TMCC2: variants seen among roughly 807,000 people sequenced by gnomAD.
TMCC2 encodes the protein transmembrane and coiled-coil domains protein 2.
Under a neutral mutation model 49.4 loss-of-function variants are expected in TMCC2, and 16 were observed. The observed-to-expected ratio is 0.32, with a 90% CI of 0.22 to 0.49. The LOEUF is 0.49. TMCC2 is among the 20% of genes least tolerant of loss of function. The pLI is 0.99. For missense variants in TMCC2, 762 were observed against 989.8 expected, an observed-to-expected ratio of 0.77 and a Z score of 3.09; for synonymous variants, 397 against 434.1, an observed-to-expected ratio of 0.91 and a Z score of 1.06.
intron 2 of TMCC2, among the ~76,000 whole-genome samples, chr1:205,261,808 C>A (rs1205738925): frequency 6.6e-6 from 1 of 152,192 alleles, no homozygotes. Context: ...TAGCTCTCAG[C>A]TGGTAAGTGA....
intron 1 of TMCC2, among the ~76,000 whole-genome samples, chr1:205,231,813 G>GT (rs1314068388): frequency 6.6e-6 from 1 of 152,056 alleles, no homozygotes; most frequent in East Asian, 1.9e-4. Flanking sequence ...GTTTGCTTTT[G>GT]TTTTCATTTT....
intron 2 of TMCC2, among the ~76,000 whole-genome samples, chr1:205,254,991 C>G (rs564965696): frequency 6.6e-6 from 1 of 152,106 alleles, no homozygotes; most frequent in African/African-American, 2.4e-5. Context: ...GCAGGTGGAT[C>G]GTTTGTGCCC....
intron 2 of TMCC2, among the ~76,000 whole-genome samples, chr1:205,247,804 G>A (rs377246781): frequency 3.9e-5 from 6 of 152,104 alleles, no homozygotes; most frequent in East Asian, 3.8e-4. Flanking sequence ...GCTGGCTTTC[G>A]GACCAGAGCA....
At position 205,269,063 on chromosome 1, in the gene TMCC2, C is replaced by T. The variant is rs778454759; in HGVS notation, c.861C>T (p.Ala287=). ...CACCGGACCCCCAGCGGACCAAGGC[C>T]GCCATTGACCACCTGCACCAGAAGA... ...DGAPDPQRTK[A]AIDHLHQKIL... The change falls in exon 3 of 5, where the codon GCC becomes GCT. Residue 287 remains alanine (A), a synonymous_variant. Transcript: ENST00000358024. 107 of 1,613,638 alleles carry T rather than the reference C, an allele frequency of 6.6e-5. 1 individual carries two copies. The highest frequency in any genetic ancestry group is 1.3e-4 in the African/African-American group (10 of 74,922).
At chr1:205,249,455 A>G (rs917839991) in intron 2 of TMCC2, among the ~76,000 whole-genome samples, 3 of 152,186 alleles carry the variant, frequency 2.0e-5, no homozygotes, top group African/African-American at 4.8e-5. Context: ...CTGCTGGTTC[A>G]GAGGTGGGTG....
In TMCC2 at chr1:205,271,103, C is replaced by T; in HGVS notation, c.1683-17C>T. On this transcript the variant is annotated splice_polypyrimidine_tract_variant and intron_variant, in intron 3 of 4. Coordinates refer to ENST00000358024, the MANE Select transcript of TMCC2 (RefSeq NM_014858.4). ...TCGGGGAGCCAGGACTGGTGTCACT[C>T]TCTCTCCCTCCGCCAGGTACGAGCG... The T allele has an allele frequency of 6.2e-7, 1 of 1,611,598 alleles. No homozygotes were observed. Among genetic ancestry groups the T allele is most frequent in the South Asian group, 1.1e-5 (1 of 90,956 alleles).
At position 205,241,738 on chromosome 1, in the gene TMCC2, C is replaced by T. The variant is rs1660274332; in HGVS notation, c.441C>T (p.Ala147=). ...ACGACCTGCCCGCCCGGCCCACCGC[C>T]TTCAACCGCGTGCTGCAGCAGATCC... ...SLHDLPARPT[A]FNRVLQQIRS... Residue 147 remains alanine, a synonymous_variant, in exon 2 of 5, where the codon GCC becomes GCT. Coordinates refer to ENST00000358024, the MANE Select transcript of TMCC2 (RefSeq NM_014858.4). This position sits in a 1 kb window ranked among gnomAD's most constrained non-coding sequence, Gnocchi z 7.3. 1.9e-6 allele frequency: 3 copies of T among 1,613,064 alleles called. No homozygotes were observed. Among genetic ancestry groups the T allele is most frequent in the African/African-American group, 2.7e-5 (2 of 74,950 alleles).
At chr1:205,267,534 T>C (rs1661391561) in intron 2 of TMCC2, among the ~76,000 whole-genome samples, 1 of 152,024 alleles carries the variant, frequency 6.6e-6, no homozygotes, top group African/African-American at 2.4e-5. Context: ...TCCTGCTGCT[T>C]CCGTTGTTGT....
chr1:205,242,635 A>G (rs1178961628), intron 2 of TMCC2, among the ~76,000 whole-genome samples: 2 of 152,184 alleles, frequency 1.3e-5, no homozygotes, highest in Non-Finnish European at 2.9e-5. Context: ...ACAAGTATCT[A>G]TTGAATTCTT....
chr1:205,243,422 T>G, intron 2 of TMCC2, among the ~76,000 whole-genome samples: 1 of 151,862 alleles, frequency 6.6e-6, no homozygotes, highest in African/African-American at 2.4e-5. Flanking sequence ...ATCAGTAGAT[T>G]GGGAAGGGAG....
chr1:205,246,864 G>T (rs1660473213), intron 2 of TMCC2, among the ~76,000 whole-genome samples: 1 of 152,074 alleles, frequency 6.6e-6, no homozygotes, highest in Non-Finnish European at 1.5e-5. Context: ...TGGGCAGTGG[G>T]CACTGTCGGA....
rs1359994418 is a variant in TMCC2 at position 205,241,099 on chromosome 1, T to C, written c.208-406T>C. ...GGTGGCCTGAAAGAACTAGTACAGC[T>C]TGAAGGGTCGTCTAACTTGGAAGGA... On this transcript the variant is annotated intron_variant, in intron 1 of 4. Transcript: ENST00000358024. This position sits in a 1 kb window ranked among gnomAD's most constrained non-coding sequence, Gnocchi z 7.3. Among the ~76,000 whole-genome samples the C allele has an allele frequency of 6.6e-6, 1 of 152,100 alleles. No individual in the cohort carries two copies. Among genetic ancestry groups the C allele is most frequent in the Non-Finnish European group, 1.5e-5 (1 of 68,020 alleles).
At chr1:205,248,578 ATCCATGTGT>A (rs1660545633) in intron 2 of TMCC2, among the ~76,000 whole-genome samples, 1 of 152,176 alleles carries the variant, frequency 6.6e-6, no homozygotes, top group African/African-American at 2.4e-5. Context: ...CAGGTTTTCC[ATCCATGTGT>A]TGCCTTAACC....
chr1:205,250,811 G>T (rs1311938859), intron 2 of TMCC2, among the ~76,000 whole-genome samples: 5 of 152,128 alleles, frequency 3.3e-5, no homozygotes, highest in Non-Finnish European at 7.4e-5. Flanking sequence ...GGTGCACTCA[G>T]GTTTCAGGTG....
rs764297744 is a variant in TMCC2, at chr1:205,272,142, C to T, written c.*18C>T. 3.1e-6 allele frequency: 5 copies of T among 1,604,536 alleles called. No homozygotes were observed. Among genetic ancestry groups the T allele is most frequent in the Admixed American group, 1.7e-5 (1 of 59,826 alleles). On this transcript the variant is annotated 3_prime_UTR_variant, in exon 5 of 5. Coordinates refer to ENST00000358024, the MANE Select transcript of TMCC2 (RefSeq NM_014858.4). ...CCAGCTGAGTGGCCAGCCACACCAA[C>T]CCTGTGCTCTCTGGCCCCCAGCTGG...
At chr1:205,237,785 T>C (rs74492453) in intron 1 of TMCC2, among the ~76,000 whole-genome samples, 1 of 152,190 alleles carries the variant, frequency 6.6e-6, no homozygotes, top group African/African-American at 2.4e-5. Flanking sequence ...TAGTCCTCCC[T>C]TTTTTCCTGA....
intron 1 of TMCC2, among the ~76,000 whole-genome samples, chr1:205,238,347 C>T (rs1399246072): frequency 2.6e-5 from 4 of 152,236 alleles, no homozygotes; most frequent in African/African-American, 7.2e-5. Context: ...TTGCTGTTCC[C>T]GCCTCGCACC....
intron 2 of TMCC2, among the ~76,000 whole-genome samples, chr1:205,246,294 G>T (rs1660449586): frequency 7.5e-6 from 1 of 133,958 alleles, no homozygotes; most frequent in South Asian, 2.8e-4. Context: ...CTGGCAAGGG[G>T]TGTGAGGTGG....
In TMCC2 at chr1:205,269,146, C is replaced by T. The variant is rs1661470850; in HGVS notation, c.944C>T (p.Ala315Val). Residue 315 changes from alanine to valine, a missense_variant, in exon 3 of 5, where the codon GCA (alanine) becomes GTA (valine). Transcript: ENST00000358024. ...CAGGAGGCTCGCGACGACAATGTGG[C>T]AGAGTATCTGAAACTGGCCAACAAC... is the stretch of plus-strand genomic sequence containing the variant. ...IEQEARDDNV[A>V]EYLKLANNAD... The T allele has an allele frequency of 2.5e-6, 4 of 1,614,076 alleles. No homozygotes were observed. The highest frequency in any genetic ancestry group is 1.1e-5 in the South Asian group (1 of 91,074).
Sources: allele counts gnomAD v4.1 joint callset (sites outside exome capture counted in the v4.1 genomes callset), GRCh38; gene constraint gnomAD v4.1.1; non-coding constraint Gnocchi (gnomAD v3.1); transcripts MANE v1.5; gene names NCBI Gene and HGNC (gene_info 2026-07-23, HGNC 2026-07-21).